Variants in CNKSR2 observed in about 807,000 individuals in gnomAD.
The protein encoded by CNKSR2 is CNK homolog protein 2.
CNKSR2 carries 14 observed loss-of-function variants against 84.4 expected under a neutral mutation model. The ratio of observed to expected loss-of-function variants is 0.17; its 90% CI spans 0.11 to 0.26. The LOEUF (loss-of-function observed/expected upper bound fraction) is 0.26, where lower values mean the gene tolerates loss of function less well. Ranked by LOEUF, CNKSR2 falls within the 10% of genes least tolerant of loss-of-function variation. CNKSR2 has a pLI of 1.00. For synonymous variants in CNKSR2, 275 were observed against 277.9 expected (o/e 0.99, Z 0.10); for missense variants, 485 against 771.2 (o/e 0.63, Z 4.40).
At chrX:21,535,463 G>GGT (rs765085179) in intron 11 of CNKSR2, among the ~76,000 whole-genome samples, 1 of 111,226 alleles carries the variant, frequency 9.0e-6, no homozygotes, top group Non-Finnish European at 1.9e-5. Context: ...GATTGCTTTG[G>GGT]GTAGTATAGT....
chrX:21,561,897 G>T (rs1404201313), intron 12 of CNKSR2, among the ~76,000 whole-genome samples: 1 of 110,288 alleles, frequency 9.1e-6, no homozygotes, highest in Admixed American at 9.7e-5. Flanking sequence ...TTTATCATCA[G>T]TCCTCATCGG....
chrX:21,382,096 A>T (rs755469191), intron 1 of CNKSR2, among the ~76,000 whole-genome samples: 1 of 111,853 alleles, frequency 8.9e-6, no homozygotes, highest in Non-Finnish European at 1.9e-5. Flanking sequence ...ATTTATTCAC[A>T]GATTACTGGT....
At chrX:21,418,881 T>A (rs2090458003) in intron 1 of CNKSR2, among the ~76,000 whole-genome samples, 1 of 110,651 alleles carries the variant, frequency 9.0e-6, no homozygotes, top group Non-Finnish European at 1.9e-5. Context: ...TCTAATATTG[T>A]CTTTGGGTTA....
At position 21,652,353 on chromosome X, in the gene CNKSR2, A is replaced by G. The variant is rs2092722987; in HGVS notation, c.2937A>G (p.Pro979=). Residue 979 remains proline (P), a synonymous_variant, in exon 22 of 22, where the codon CCA becomes CCG. Coordinates refer to ENST00000379510, the MANE Select transcript of CNKSR2 (RefSeq NM_014927.5). The part of the protein sequence containing the change: ...VAIIDKVLDN[P]DLTSKEFQQW... ...TTATCGATAAAGTCCTAGACAATCCAGACTTGACATCTAAAGAATTCCAAC... is the reference window on the plus strand; with the variant it reads ...TTATCGATAAAGTCCTAGACAATCCGGACTTGACATCTAAAGAATTCCAAC... The G allele has an allele frequency of 8.3e-7, 1 of 1,210,177 alleles. No individual in the cohort carries two copies. The highest frequency in any genetic ancestry group is 1.7e-5 in the African/African-American group (1 of 57,429).
chrX:21,448,971 C>T (rs2090890439), intron 4 of CNKSR2, among the ~76,000 whole-genome samples: 1 of 111,408 alleles, frequency 9.0e-6, no homozygotes, highest in Non-Finnish European at 1.9e-5. Context: ...GACAAGTGAG[C>T]ACAAATCAAA....
intron 20 of CNKSR2, among the ~76,000 whole-genome samples, chrX:21,625,530 T>A (rs1166796155): frequency 8.9e-6 from 1 of 112,085 alleles, no homozygotes; most frequent in Non-Finnish European, 1.9e-5. Context: ...GTTATATTTA[T>A]AATTAAAATC....
chrX:21,593,950 C>T lies in CNKSR2; in HGVS notation c.1831-1024C>T, dbSNP rs772513272. ...AGAGCTAAAAGCAGAACTACCATTC[C>T]ACCCAGCAGTCCCATTACAGGGTAT... On this transcript the variant is annotated intron_variant, in intron 15 of 21. Coordinates refer to ENST00000379510, the MANE Select transcript of CNKSR2 (RefSeq NM_014927.5). The T allele has an allele frequency of 1.2e-4, 13 of 111,710 alleles. No homozygotes were observed. In the Admixed American group the frequency reaches 1.2e-3, roughly 11 times the overall value. 9.2% of individuals were successfully genotyped at this position (111,710 alleles called of 1,213,427 possible). A position where few individuals can be genotyped will look rare whatever the true frequency, so the allele number is the denominator to read the frequency against.
At chrX:21,419,140 C>T (rs896987164) in intron 1 of CNKSR2, among the ~76,000 whole-genome samples, 5 of 109,621 alleles carry the variant, frequency 4.6e-5, no homozygotes, top group East Asian at 2.9e-4. Flanking sequence ...TTCAAGCTCA[C>T]GAATTCTTTG....
At chrX:21,562,388 T>C (rs1737090927) in intron 12 of CNKSR2, among the ~76,000 whole-genome samples, 1 of 111,922 alleles carries the variant, frequency 8.9e-6, no homozygotes. Context: ...TTCTAGCCAG[T>C]ATACAGAATT....
intron 9 of CNKSR2, among the ~76,000 whole-genome samples, chrX:21,524,395 C>A (rs1268723032): frequency 1.8e-5 from 2 of 111,100 alleles, no homozygotes; most frequent in African/African-American, 6.5e-5. Flanking sequence ...AGTCTTTCCC[C>A]TCTATGTATG....
intron 1 of CNKSR2, among the ~76,000 whole-genome samples, chrX:21,411,827 A>AT (rs2090349858): frequency 9.0e-6 from 1 of 111,174 alleles, no homozygotes; most frequent in South Asian, 3.8e-4. Flanking sequence ...ACTTAACATG[A>AT]TTCTCTCTCA....
chrX:21,560,228 C>T (rs1257425065), intron 11 of CNKSR2, among the ~76,000 whole-genome samples: 4 of 111,069 alleles, frequency 3.6e-5, no homozygotes, highest in African/African-American at 1.3e-4. Context: ...GCTGATGAGA[C>T]TAAGCATATG....
At chrX:21,486,567 C>T (rs969862090) in intron 5 of CNKSR2, among the ~76,000 whole-genome samples, 1 of 111,586 alleles carries the variant, frequency 9.0e-6, no homozygotes, top group African/African-American at 3.3e-5. Context: ...CGCTATAATA[C>T]CTACTTTAGG....
intron 20 of CNKSR2, chrX:21,641,650 G>T: frequency 8.7e-7 from 1 of 1,155,484 alleles, no homozygotes. Flanking sequence ...ATTTAGATCG[G>T]AGAGAGTCGG....
At chrX:21,549,482 A>G (rs1440078752) in intron 11 of CNKSR2, among the ~76,000 whole-genome samples, 1 of 111,998 alleles carries the variant, frequency 8.9e-6, no homozygotes, top group Non-Finnish European at 1.9e-5. Context: ...GAAAATGGCC[A>G]TACTGCCCAA....
intron 19 of CNKSR2, among the ~76,000 whole-genome samples, chrX:21,607,565 A>G (rs1237836402): frequency 9.0e-6 from 1 of 111,485 alleles, no homozygotes; most frequent in Non-Finnish European, 1.9e-5. Context: ...GCACTTTGGG[A>G]GGCCAAGGCG....
At chrX:21,534,012 G>A (rs1378834255) in intron 11 of CNKSR2, among the ~76,000 whole-genome samples, 4 of 109,904 alleles carry the variant, frequency 3.6e-5, no homozygotes, top group East Asian at 2.9e-4. Flanking sequence ...CTATAGCACC[G>A]TAGAATACCA....
intron 1 of CNKSR2, among the ~76,000 whole-genome samples, chrX:21,393,262 C>T (rs1000231238): frequency 8.9e-6 from 1 of 112,137 alleles, no homozygotes; most frequent in Non-Finnish European, 1.9e-5. Context: ...TTAATGTGCT[C>T]TCTGTGAAAT....
chrX:21,487,248 A>G (rs905814121), intron 5 of CNKSR2, among the ~76,000 whole-genome samples: 2 of 111,417 alleles, frequency 1.8e-5, no homozygotes, highest in African/African-American at 6.5e-5. Flanking sequence ...AATATGATGA[A>G]TTTAATTGGT....
Sources: gnomAD v4.1 joint callset for allele counts (sites outside exome capture counted in the v4.1 genomes callset) on GRCh38, gnomAD v4.1.1 for gene constraint, MANE v1.5 for transcripts, NCBI Gene and HGNC (gene_info 2026-07-23, HGNC 2026-07-21) for gene names.